Variants in MAP2 observed in about 807,000 individuals in gnomAD.
MAP2 encodes the protein microtubule associated protein 2.
MAP2 carries 14 observed loss-of-function variants against 137.6 expected under a neutral mutation model. The ratio of observed to expected loss-of-function variants is 0.10; its 90% CI spans 0.07 to 0.16. The LOEUF (loss-of-function observed/expected upper bound fraction) is 0.16, where lower values mean the gene tolerates loss of function less well. Ranked by LOEUF, MAP2 falls within the 10% of genes least tolerant of loss-of-function variation. MAP2 has a pLI of 1.00. For missense variants in MAP2, 2,088 were observed against 2,191.5 expected (o/e 0.95, Z 0.94); for synonymous variants, 786 against 782.3 (o/e 1.00, Z -0.08).
At chr2:209,703,692 G>C (rs1478033553) in intron 11 of MAP2, among the ~76,000 whole-genome samples, 1 of 152,006 alleles carries the variant, frequency 6.6e-6, no homozygotes. Context: ...TAAAGAGAAA[G>C]AGAGACTTGC....
chr2:209,644,019 C>T (rs1043131301), intron 4 of MAP2, among the ~76,000 whole-genome samples: 1 of 152,146 alleles, frequency 6.6e-6, no homozygotes, highest in African/African-American at 2.4e-5. Context: ...TGGCTGAAAG[C>T]ACTAGTCTTC....
intron 7 of MAP2, among the ~76,000 whole-genome samples, chr2:209,683,469 T>TAAAG (rs754402945): frequency 4.6e-5 from 7 of 152,226 alleles, no homozygotes; most frequent in Non-Finnish European, 8.8e-5. Flanking sequence ...ACCTTAAATA[T>TAAAG]GTAAAAGATT....
intron 1 of MAP2, among the ~76,000 whole-genome samples, chr2:209,438,584 C>T (rs955914255): frequency 6.6e-5 from 10 of 151,482 alleles, no homozygotes; most frequent in African/African-American, 2.4e-4. Flanking sequence ...CTTCTTAAAC[C>T]TGCAGAGAAG....
At position 209,460,752 on chromosome 2, in the gene MAP2, G is replaced by A. The variant is rs531319939; in HGVS notation, c.-222+36476G>A. 1.8e-4 allele frequency among the ~76,000 whole-genome samples: 28 copies of A among 151,748 alleles called. No individual in the cohort carries two copies. In the Middle Eastern group the frequency reaches 0.01, roughly 55 times the overall value. On this transcript the variant is annotated intron_variant, in intron 1 of 15. Transcript: ENST00000682079. ...GGTAATTAAAAAATGGAAACTTTTTGGTTGTTGTTTTTTTGAGACAGAGTC... is the reference window on the plus strand; with the variant it reads ...GGTAATTAAAAAATGGAAACTTTTTAGTTGTTGTTTTTTTGAGACAGAGTC...
chr2:209,691,773 A>G (rs1039430897), intron 7 of MAP2, among the ~76,000 whole-genome samples: 16 of 152,224 alleles, frequency 1.1e-4, no homozygotes, highest in African/African-American at 3.9e-4. Flanking sequence ...GGTCATGACC[A>G]TGGGAATAAA....
At chr2:209,680,695 A>AATTAAT in intron 6 of MAP2, 55 bp from the exon 7 acceptor site, 1 of 1,448,514 alleles carries the variant, frequency 6.9e-7, no homozygotes, top group Non-Finnish European at 9.7e-7. Context: ...CTACACATCT[A>AATTAAT]CCAGCCTAAA....
At chr2:209,648,825 G>GTAGCATC (rs11282560) in intron 4 of MAP2, among the ~76,000 whole-genome samples, 31,058 of 149,108 alleles carry the variant, frequency 0.21, 5,216 homozygotes, top group African/African-American at 0.47. Flanking sequence ...AGTTGTTTAG[G>GTAGCATC]TAGCATCTCA....
At chr2:209,518,177 A>G (rs2062783254) in intron 2 of MAP2, among the ~76,000 whole-genome samples, 1 of 152,070 alleles carries the variant, frequency 6.6e-6, no homozygotes, top group African/African-American at 2.4e-5. Context: ...ATTTGAGAGC[A>G]AGATTCTGTG....
At chr2:209,683,183 G>A (rs1009955149) in intron 7 of MAP2, among the ~76,000 whole-genome samples, 1 of 152,098 alleles carries the variant, frequency 6.6e-6, no homozygotes, top group African/African-American at 2.4e-5. Flanking sequence ...TCACATTTTG[G>A]TAACTTAGGT....
At chr2:209,640,436 C>T (rs2093928107) in intron 4 of MAP2, among the ~76,000 whole-genome samples, 1 of 151,922 alleles carries the variant, frequency 6.6e-6, no homozygotes, top group African/African-American at 2.4e-5. Flanking sequence ...ACATTCCAGC[C>T]TCCCATCAGT....
chr2:209,586,532 A>G lies in MAP2; in HGVS notation c.-107+6432A>G, dbSNP rs574946842. ...CATTCCCGTTTCCTGCCCTTATGGA[A>G]CTTTCCTTCTAGAGAGTGGAACTAA... is the stretch of plus-strand genomic sequence containing the variant. On this transcript the variant is annotated intron_variant, in intron 3 of 15. Transcript: ENST00000682079. Among the ~76,000 whole-genome samples the G allele has an allele frequency of 2.0e-5, 3 of 152,292 alleles. No individual in the cohort carries two copies. In the South Asian group the frequency reaches 6.2e-4, roughly 32 times the overall value.
Position 209,653,519 on chromosome 2 carries a change from T to C in MAP2, c.262+87T>C, listed in dbSNP as rs894195577. 14 of 1,375,176 alleles carry C rather than the reference T, an allele frequency of 1.0e-5. No homozygotes were observed. The African/African-American group carries it at 2.0e-4, about 20-fold the overall frequency. 85.2% of individuals were successfully genotyped at this position (1,375,176 alleles called of 1,614,324 possible). ...AAAGTGAATTAATATACAGCACTGA[T>C]CCTCTTTCACTAGTGCTAGGACTGA... On this transcript the variant is annotated intron_variant, in intron 5 of 15. Coordinates refer to ENST00000682079, the MANE Select transcript of MAP2 (RefSeq NM_001375505.1).
At chr2:209,488,734 C>G (rs2058702627) in intron 1 of MAP2, among the ~76,000 whole-genome samples, 1 of 152,154 alleles carries the variant, frequency 6.6e-6, no homozygotes, top group African/African-American at 2.4e-5. Flanking sequence ...GACTGCCTCT[C>G]TAGATTCCTC....
At chr2:209,425,369 G>A (rs1043185981) in intron 1 of MAP2, among the ~76,000 whole-genome samples, 1 of 152,096 alleles carries the variant, frequency 6.6e-6, no homozygotes. Context: ...GCACACAAAT[G>A]TATAATACAC....
At chr2:209,720,986 C>T (rs539290462) in intron 13 of MAP2, among the ~76,000 whole-genome samples, 1 of 151,414 alleles carries the variant, frequency 6.6e-6, no homozygotes, top group East Asian at 1.9e-4. Context: ...CCTTCTCCTT[C>T]ACAGCAGCCA....
At chr2:209,442,092 T>C (rs968395576) in intron 1 of MAP2, among the ~76,000 whole-genome samples, 1 of 151,636 alleles carries the variant, frequency 6.6e-6, no homozygotes, top group Non-Finnish European at 1.5e-5. Context: ...GTTTTTATTA[T>C]GTTTTTCTAC....
Position 209,694,652 on chromosome 2 carries a change from G to A in MAP2, c.2482G>A (p.Val828Ile). The A allele has an allele frequency of 6.2e-7, 1 of 1,614,152 alleles. No individual in the cohort carries two copies. The highest frequency in any genetic ancestry group is 1.3e-5 in the African/African-American group (1 of 75,040). The change falls in exon 8 of 16, where the codon GTT becomes ATT. Residue 828 changes from valine (V) to isoleucine (I), a missense_variant. Val to Ile is a conservative substitution (Grantham distance 29, BLOSUM62 3). Around this residue, in one of 6 missense-constraint regions of MAP2, gnomAD observed 500 missense variants for 482.9 expected, o/e 1.04. Coordinates refer to ENST00000682079, the MANE Select transcript of MAP2 (RefSeq NM_001375505.1). ...GGCTTCTGTGAGTGCAGATGCTGAGGTTGCCAGGAGGAAATCAGTCCCATC... is the reference window on the plus strand; with the variant it reads ...GGCTTCTGTGAGTGCAGATGCTGAGATTGCCAGGAGGAAATCAGTCCCATC... The part of the protein sequence containing the change: ...RLASVSADAE[V>I]ARRKSVPSET...
chr2:209,699,666 G>T (rs376368975), intron 10 of MAP2, among the ~76,000 whole-genome samples: 1 of 152,062 alleles, frequency 6.6e-6, no homozygotes, highest in Non-Finnish European at 1.5e-5. Context: ...ATTTTCTCTC[G>T]TGTTTTCTGT....
intron 1 of MAP2, among the ~76,000 whole-genome samples, chr2:209,441,872 G>A (rs1296858962): frequency 3.3e-5 from 5 of 151,540 alleles, no homozygotes; most frequent in Non-Finnish European, 7.4e-5. Flanking sequence ...TAGCAGGACT[G>A]TAAATGGAAC....
Sources: allele counts gnomAD v4.1 joint callset (sites outside exome capture counted in the v4.1 genomes callset), GRCh38; gene constraint gnomAD v4.1.1; regional missense constraint gnomAD v4.1.1; transcripts MANE v1.5; gene names NCBI Gene and HGNC (gene_info 2026-07-23, HGNC 2026-07-21).